ABLIM3: variants seen among roughly 807,000 people sequenced by gnomAD.
The protein encoded by ABLIM3 is actin binding LIM protein family member 3.
In ABLIM3, 61 loss-of-function variants were observed where a neutral mutation model predicts 109.5. The observed-to-expected ratio is 0.56, with a 90% CI of 0.45 to 0.69. The LOEUF is 0.69. ABLIM3 is among the 30% of genes least tolerant of loss of function. The pLI, the probability that ABLIM3 is intolerant of heterozygous loss-of-function variation, is 0.00. For missense variants in ABLIM3, 796 were observed against 889.5 expected, an observed-to-expected ratio of 0.89 and a Z score of 1.34; for synonymous variants, 300 against 324.8, an observed-to-expected ratio of 0.92 and a Z score of 0.82.
At chr5:149,220,135 T>TTC (rs1760498201) in intron 8 of ABLIM3, 1 of 152,168 alleles carries the variant, frequency 6.6e-6, no homozygotes, top group African/African-American at 2.4e-5. Context: ...ATTTAGCAAA[T>TTC]ATCTATTGAG....
chr5:149,176,981 T>A (rs967078071), intron 2 of ABLIM3: 27 of 152,264 alleles, frequency 1.8e-4, no homozygotes, highest in African/African-American at 6.0e-4. Flanking sequence ...AGTTGCTGTG[T>A]GAGCTTTTCT....
chr5:149,240,989 A>G (rs1258718851), intron 14 of ABLIM3, among the ~76,000 whole-genome samples: 2 of 152,220 alleles, frequency 1.3e-5, no homozygotes, highest in Non-Finnish European at 2.9e-5. Context: ...TTAGGACCTC[A>G]AAGAAGCAGT....
chr5:149,240,866 C>G, intron 14 of ABLIM3, 92 bp downstream of exon 14: 1 of 1,230,998 alleles, frequency 8.1e-7, no homozygotes, highest in Non-Finnish European at 1.2e-6. Flanking sequence ...ACACAGGCAC[C>G]AAGAAGCTGG....
chr5:149,159,374 G>A (rs1754126053), intron 2 of ABLIM3, among the ~76,000 whole-genome samples: 1 of 152,188 alleles, frequency 6.6e-6, no homozygotes, highest in Non-Finnish European at 1.5e-5. Flanking sequence ...TTGACTGGGG[G>A]AGGGGTGATT....
At chr5:149,142,804 A>G (rs934160538) in intron 2 of ABLIM3, among the ~76,000 whole-genome samples, 10 of 152,188 alleles carry the variant, frequency 6.6e-5, no homozygotes. Flanking sequence ...GGCCTCAGCT[A>G]CTGAGAATGC....
chr5:149,196,939 T>C (rs915270339), intron 3 of ABLIM3, among the ~76,000 whole-genome samples: 3 of 152,226 alleles, frequency 2.0e-5, no homozygotes, highest in African/African-American at 7.2e-5. Flanking sequence ...CTACATTTAT[T>C]TCTCCCTATT....
intron 5 of ABLIM3, among the ~76,000 whole-genome samples, chr5:149,204,807 G>A (rs1246127602): frequency 6.6e-6 from 1 of 152,144 alleles, no homozygotes; most frequent in Admixed American, 6.5e-5. Flanking sequence ...TCTCTCCTGG[G>A]CCAATTTCCC....
chr5:149,229,278 A>C (rs1056378156), intron 8 of ABLIM3, among the ~76,000 whole-genome samples: 3 of 152,226 alleles, frequency 2.0e-5, no homozygotes, highest in African/African-American at 4.8e-5. Context: ...AATTAAACCC[A>C]GTTGAATAAT....
At chr5:149,239,737 A>C (rs1422034507) in intron 12 of ABLIM3, 22 bp from the exon 13 acceptor site, 4 of 1,574,038 alleles carry the variant, frequency 2.5e-6, no homozygotes, top group Non-Finnish European at 3.4e-6. Flanking sequence ...AGCCATGCTC[A>C]CAGCCCCATT....
At chr5:149,254,893 T>C (rs928469899) in intron 23 of ABLIM3, among the ~76,000 whole-genome samples, 6 of 152,122 alleles carry the variant, frequency 3.9e-5, no homozygotes, top group Non-Finnish European at 8.8e-5. Context: ...AGCTCAGGTC[T>C]AGAACTTTTT....
At chr5:149,162,145 C>T (rs1754433588) in intron 2 of ABLIM3, among the ~76,000 whole-genome samples, 3 of 152,194 alleles carry the variant, frequency 2.0e-5, no homozygotes, top group South Asian at 4.1e-4. Context: ...AAACAGATGC[C>T]TTCCTCCCTT....
chr5:149,167,012 C>A (rs1000668637), intron 2 of ABLIM3, among the ~76,000 whole-genome samples: 1 of 152,154 alleles, frequency 6.6e-6, no homozygotes, highest in African/African-American at 2.4e-5. Context: ...TGATGCCACC[C>A]ATCTTTCAAG....
intron 23 of ABLIM3, 61 bp downstream of exon 23, chr5:149,252,898 T>C: frequency 7.4e-7 from 1 of 1,347,414 alleles, no homozygotes; most frequent in Non-Finnish European, 1.1e-6. Flanking sequence ...AGTTGCTTGG[T>C]ATAATCCAGC....
intron 2 of ABLIM3, among the ~76,000 whole-genome samples, chr5:149,149,139 A>G (rs1191417840): frequency 1.3e-5 from 2 of 152,248 alleles, no homozygotes; most frequent in Non-Finnish European, 2.9e-5. Flanking sequence ...ATGCTGGGAC[A>G]GCAAGAACCT....
At chr5:149,249,959 C>T in intron 19 of ABLIM3, 115 bp downstream of exon 19, 2 of 1,287,194 alleles carry the variant, frequency 1.6e-6, no homozygotes, top group South Asian at 2.4e-5. Context: ...CCAGCCCACT[C>T]CTGATCTCAA....
At chr5:149,240,831 G>A (rs1310048982) in intron 14 of ABLIM3, 57 bp downstream of exon 14, 5 of 1,527,342 alleles carry the variant, frequency 3.3e-6, no homozygotes, top group Admixed American at 1.7e-5. Context: ...GGGGTCACAG[G>A]TGCCTGAGTC....
At chr5:149,146,438 A>G (rs1303360978) in intron 2 of ABLIM3, among the ~76,000 whole-genome samples, 2 of 152,202 alleles carry the variant, frequency 1.3e-5, no homozygotes, top group African/African-American at 4.8e-5. Context: ...TAGAATTCTT[A>G]TAGTTTGAGG....
In ABLIM3 at chr5:149,230,587, C is replaced by T. The variant is rs189454917; in HGVS notation, c.758-62C>T. On this transcript the variant is annotated intron_variant, in intron 8 of 23. Coordinates refer to ENST00000309868, the MANE Select transcript of ABLIM3 (RefSeq NM_014945.5). ...GACCACGGAGTGAATCAAGGTGGGACATGGGGAGAGTGCTGGAGGGTTTGA... is the reference window on the plus strand; with the variant it reads ...GACCACGGAGTGAATCAAGGTGGGATATGGGGAGAGTGCTGGAGGGTTTGA... 1.9e-5 allele frequency: 30 copies of T among 1,554,500 alleles called. 1 individual carries two copies. In the African/African-American group the frequency reaches 3.5e-4, roughly 18 times the overall value.
At chr5:149,161,916 G>A (rs184192168) in intron 2 of ABLIM3, among the ~76,000 whole-genome samples, 1 of 152,152 alleles carries the variant, frequency 6.6e-6, no homozygotes, top group Admixed American at 6.6e-5. Context: ...ATGTGTATGT[G>A]TGTGTGTGTG....
Sources: gnomAD v4.1 joint callset for allele counts (sites outside exome capture counted in the v4.1 genomes callset) on GRCh38, gnomAD v4.1.1 for gene constraint, MANE v1.5 for transcripts, NCBI Gene and HGNC (gene_info 2026-07-23, HGNC 2026-07-21) for gene names.